The following SREBF1 variants were observed in gnomAD, a reference collection of about 807,000 sequenced individuals.
SREBF1 encodes the protein sterol regulatory element-binding protein 1.
SREBF1 carries 45 observed loss-of-function variants against 100.1 expected under a neutral mutation model. That is an observed-to-expected ratio of 0.45 (90% CI 0.35 to 0.58). SREBF1 has a LOEUF of 0.58. Ranked by LOEUF, SREBF1 falls within the 20% of genes least tolerant of loss-of-function variation. SREBF1 has a pLI of 0.00. For synonymous variants in SREBF1, 657 were observed against 681.8 expected, an observed-to-expected ratio of 0.96 and a Z score of 0.57; for missense variants, 1,324 against 1,539.4, an observed-to-expected ratio of 0.86 and a Z score of 2.34.
chr17:17,819,543 C>T lies in SREBF1; in HGVS notation c.706G>A (p.Val236Ile), dbSNP rs747160124. The T allele has an allele frequency of 2.5e-6, 4 of 1,613,596 alleles. No individual in the cohort carries two copies. The South Asian group carries it at 4.4e-5, about 18-fold the overall frequency. Residue 236 changes from valine to isoleucine, a missense_variant, in exon 3 of 19, where the codon GTC (valine) becomes ATC (isoleucine). Val to Ile is a conservative substitution (Grantham distance 29, BLOSUM62 3). Coordinates refer to ENST00000261646, the MANE Select transcript of SREBF1 (RefSeq NM_004176.5). ...TTTVTSQIQQ[V>I]PVLLQPHFIK... The stretch of plus-strand genomic sequence containing the variant: ...CCCTGGCCAGACCCCCTCACCGGGA[C>T]CTGCTGGATCTGCGAGGTCACAGTG...
At position 17,815,816 on chromosome 17, in the gene SREBF1, G is replaced by A. The variant is rs1261567331; in HGVS notation, c.2383+44C>T. On this transcript the variant is annotated intron_variant, in intron 12 of 18. Transcript: ENST00000261646. ...GCGACAAGGGACAGGACAGGAATGA[G>A]GATGAGGGACAGGAGAGGGGACAGG... 4 of 1,580,838 alleles carry A rather than the reference G, an allele frequency of 2.5e-6. No individual in the cohort carries two copies. The African/African-American group carries it at 5.4e-5, about 21-fold the overall frequency.
At chr17:17,826,781 G>A (rs1301539068) in intron 1 of SREBF1, among the ~76,000 whole-genome samples, 2 of 152,198 alleles carry the variant, frequency 1.3e-5, no homozygotes, top group African/African-American at 4.8e-5. Context: ...GACTCTGGCC[G>A]ATGTATTCTG....
At chr17:17,836,690 C>G (rs765588636) in intron 1 of SREBF1, 37 bp downstream of exon 1, 11 of 1,536,672 alleles carry the variant, frequency 7.2e-6, no homozygotes, top group Non-Finnish European at 9.6e-6. Flanking sequence ...ACTCGCGCCA[C>G]CCGGCGCAGC....
At chr17:17,823,249 G>A (rs1487178863) in intron 1 of SREBF1, among the ~76,000 whole-genome samples, 3 of 152,200 alleles carry the variant, frequency 2.0e-5, no homozygotes, top group Admixed American at 2.0e-4. Flanking sequence ...ATGTAGAGAA[G>A]ACCACCCTCT....
At chr17:17,822,132 C>A (rs986262559) in intron 1 of SREBF1, among the ~76,000 whole-genome samples, 1 of 152,252 alleles carries the variant, frequency 6.6e-6, no homozygotes, top group Non-Finnish European at 1.5e-5. Context: ...AGAAAAGACA[C>A]TGAGGCTCAG....
chr17:17,828,216 A>G (rs2034613866), intron 1 of SREBF1, among the ~76,000 whole-genome samples: 1 of 152,176 alleles, frequency 6.6e-6, no homozygotes, highest in Admixed American at 6.5e-5. Context: ...ACCACAAGCT[A>G]TTGAAGGCCA....
rs1454402420 is a variant in SREBF1, at chr17:17,812,319, A to C, written c.*303T>G. The C allele has an allele frequency of 7.7e-6, 4 of 521,884 alleles. No homozygotes were observed. The highest frequency in any genetic ancestry group is 5.8e-5 in the African/African-American group (3 of 51,738). 32.3% of individuals were successfully genotyped at this position (521,884 alleles called of 1,614,324 possible). On this transcript the variant is annotated 3_prime_UTR_variant, in exon 19 of 19. Coordinates refer to ENST00000261646, the MANE Select transcript of SREBF1 (RefSeq NM_004176.5). ...GGAAATGTACCCCTCTCTTCCCTGT[A>C]CACAGGAGGAAAAAAGCCACTAAGG...
At chr17:17,829,652 T>C (rs2143109899) in intron 1 of SREBF1, among the ~76,000 whole-genome samples, 1 of 152,252 alleles carries the variant, frequency 6.6e-6, no homozygotes, top group South Asian at 2.1e-4. Flanking sequence ...TTCTTTTTGT[T>C]TGTTTGTTTT....
At position 17,815,963 on chromosome 17, in the gene SREBF1, C is replaced by G. The variant is rs1248718687; in HGVS notation, c.2280G>C (p.Met760Ile). The change falls in exon 12 of 19, where the codon ATG (methionine) becomes ATC (isoleucine). Residue 760 changes from methionine (M) to isoleucine (I), a missense_variant. By Grantham distance (10) the Met-to-Ile change is conservative. Coordinates refer to ENST00000261646, the MANE Select transcript of SREBF1 (RefSeq NM_004176.5). ...LAQSGSVPPA[M>I]QWLCHPVGHR... ...GGCCCACGGGGTGGCAGAGCCACTG[C>G]ATGGCAGGAGGCACTGAGCCACTCT... 1.9e-6 allele frequency: 3 copies of G among 1,612,884 alleles called. No individual in the cohort carries two copies. Among genetic ancestry groups the G allele is most frequent in the Admixed American group, 1.7e-5 (1 of 60,018 alleles).
chr17:17,831,418 G>A (rs926590557), intron 1 of SREBF1, among the ~76,000 whole-genome samples: 1 of 152,048 alleles, frequency 6.6e-6, no homozygotes, highest in Non-Finnish European at 1.5e-5. Context: ...CGCACTGCTC[G>A]GGGCAAGGTG....
chr17:17,835,290 G>C (rs2035157359), intron 1 of SREBF1, among the ~76,000 whole-genome samples: 1 of 152,142 alleles, frequency 6.6e-6, no homozygotes, highest in African/African-American at 2.4e-5. Context: ...GGGATTTCAG[G>C]GTTCATCACT....
chr17:17,828,969 C>G (rs534477547), intron 1 of SREBF1, among the ~76,000 whole-genome samples: 2 of 151,888 alleles, frequency 1.3e-5, no homozygotes, highest in Admixed American at 6.6e-5. Flanking sequence ...CTAAGGCAGG[C>G]AGATCACGAG....
Position 17,814,394 on chromosome 17 carries a change from C to T in SREBF1, c.2752G>A (p.Ala918Thr). The change falls in exon 16 of 19, where the codon GCA becomes ACA. Residue 918 changes from alanine (A) to threonine (T), a missense_variant. Transcript: ENST00000261646. ...GCAGCCTTGAAGGAGTGCAGAGCTG[C>T]CCTGGGCAGGGGTCTCCTGTTGGGA... ...LQESERPLPR[A>T]ALHSFKAARA... The T allele has an allele frequency of 6.4e-7, 1 of 1,559,174 alleles. No individual in the cohort carries two copies. Among genetic ancestry groups the T allele is most frequent in the Non-Finnish European group, 8.7e-7 (1 of 1,151,648 alleles).
intron 18 of SREBF1, 57 bp downstream of exon 18, chr17:17,813,311 G>C (rs1332910214): frequency 1.0e-5 from 15 of 1,499,760 alleles, no homozygotes; most frequent in Non-Finnish European, 1.1e-5. Context: ...CACATCCCAT[G>C]TGCGCCCTTC....
chr17:17,834,372 G>C (rs190603744), intron 1 of SREBF1, among the ~76,000 whole-genome samples: 16 of 152,348 alleles, frequency 1.1e-4, no homozygotes, highest in Non-Finnish European at 2.1e-4. Context: ...TTATAGGTGT[G>C]AGCCACCACC....
chr17:17,819,387 G>A lies in SREBF1; in HGVS notation c.779C>T (p.Ala260Val), dbSNP rs756697799. The A allele has an allele frequency of 3.7e-6, 6 of 1,613,814 alleles. No homozygotes were observed. Among genetic ancestry groups the A allele is most frequent in the Non-Finnish European group, 5.1e-6 (6 of 1,180,036 alleles). Residue 260 changes from alanine (A) to valine (V), a missense_variant, in exon 4 of 19, where the codon GCC becomes GTC. Transcript: ENST00000261646. ...LLLTAMKTDG[A>V]TVKAAGLSPL... The stretch of plus-strand genomic sequence containing the variant: ...ACTGAGACCTGCCGCCTTCACAGTG[G>A]CTCCGTCTGTCTTCATGGCTGTCAG...
At chr17:17,829,027 T>C (rs556725933) in intron 1 of SREBF1, among the ~76,000 whole-genome samples, 97 of 151,664 alleles carry the variant, frequency 6.4e-4, no homozygotes, top group African/African-American at 2.1e-3. Flanking sequence ...ATCCAGCCTC[T>C]ACTAAAAATA....
intron 18 of SREBF1, chr17:17,813,158 T>G (rs544495508): frequency 2.1e-5 from 13 of 610,254 alleles, no homozygotes; most frequent in African/African-American, 2.0e-4. Context: ...AGACAGGGAC[T>G]CTCCCTGTCA....
chr17:17,832,553 G>A (rs962804022), intron 1 of SREBF1, among the ~76,000 whole-genome samples: 3 of 152,178 alleles, frequency 2.0e-5, no homozygotes, highest in African/African-American at 7.2e-5. Context: ...AGCTTCAAAA[G>A]CAGGCTCGAC....
Sources: gnomAD v4.1 joint callset for allele counts (sites outside exome capture counted in the v4.1 genomes callset) on GRCh38, gnomAD v4.1.1 for gene constraint, MANE v1.5 for transcripts, NCBI Gene and HGNC (gene_info 2026-07-23, HGNC 2026-07-21) for gene names.